USP9X: variants seen among roughly 807,000 people sequenced by gnomAD.
USP9X encodes the protein ubiquitin specific peptidase 9 X-linked.
In USP9X, 7 loss-of-function variants were observed where a neutral mutation model predicts 190.3. That is an observed-to-expected ratio of 0.04 (90% CI 0.02 to 0.07). USP9X has a LOEUF of 0.07. Among genes scored for constraint, USP9X ranks in the 10% least tolerant of loss-of-function variants. USP9X has a pLI of 1.00. For synonymous variants in USP9X, 645 were observed against 659.5 expected, an observed-to-expected ratio of 0.98 and a Z score of 0.34; for missense variants, 1,010 against 1,916.9, an observed-to-expected ratio of 0.53 and a Z score of 8.83.
rs535270583 is a variant in USP9X at position 41,220,511 on chromosome X, T to C, written c.6565+1280T>C. ...ATACCAACATCTCTATAGCAGGGTC[T>C]GAGACAACAACTTACAATTGAACAC... On this transcript the variant is annotated intron_variant, in intron 38 of 44. Coordinates refer to ENST00000378308, the MANE Select transcript of USP9X (RefSeq NM_001039591.3). 2.3e-3 allele frequency among the ~76,000 whole-genome samples: 258 copies of C among 112,615 alleles called. No individual in the cohort carries two copies. The Middle Eastern group carries it at 0.023, about 10-fold the overall frequency.
chrX:41,114,816 G>T (rs150624417), intron 1 of USP9X, among the ~76,000 whole-genome samples: 3,851 of 110,199 alleles, frequency 0.035, 159 homozygotes, highest in African/African-American at 0.12. Context: ...TTGCTTTATT[G>T]TAAGAATACA....
At position 41,230,556 on chromosome X, in the gene USP9X, C is replaced by T. The variant is rs2063351788; in HGVS notation, c.7487C>T (p.Ala2496Val). Residue 2496 changes from alanine to valine, a missense_variant, in exon 44 of 45, where the codon GCC becomes GTC. Coordinates refer to ENST00000378308, the MANE Select transcript of USP9X (RefSeq NM_001039591.3). The part of the protein sequence containing the change: ...DEHESPPPED[A>V]PLYPHSPGSQ... Reference sequence around the variant, plus strand: ...CATGAGTCGCCTCCACCTGAAGATGCCCCATTGTACCCCCATTCACCTGGA... The same window carrying T: ...CATGAGTCGCCTCCACCTGAAGATGTCCCATTGTACCCCCATTCACCTGGA... 8.3e-7 allele frequency: 1 copy of T among 1,208,353 alleles called. No homozygotes were observed.
intron 1 of USP9X, among the ~76,000 whole-genome samples, chrX:41,123,174 A>G (rs1313493890): frequency 9.0e-6 from 1 of 111,642 alleles, no homozygotes; most frequent in African/African-American, 3.3e-5. Flanking sequence ...GAAAACAGAT[A>G]GTTTTTGCCG....
intron 1 of USP9X, among the ~76,000 whole-genome samples, chrX:41,106,580 GAGTGCAAT>G (rs1190344689): frequency 3.3e-5 from 3 of 91,423 alleles, no homozygotes; most frequent in African/African-American, 1.3e-4. Flanking sequence ...ACTCAGGCTG[GAGTGCAAT>G]GGCGCGATCT....
intron 33 of USP9X, among the ~76,000 whole-genome samples, chrX:41,213,470 A>T (rs935766253): frequency 8.9e-6 from 1 of 111,942 alleles, no homozygotes; most frequent in Non-Finnish European, 1.9e-5. Context: ...GGCTAAAGCT[A>T]TGATGTTTGG....
At chrX:41,211,710 TA>T (rs1183454943) in intron 33 of USP9X, among the ~76,000 whole-genome samples, 8 of 87,812 alleles carry the variant, frequency 9.1e-5, no homozygotes, top group African/African-American at 3.7e-4. Context: ...GGGAGGGAGG[TA>T]GGGGGGTCAG....
Position 41,229,749 on chromosome X carries a change from T to G in USP9X, c.7401T>G (p.Leu2467=). 8.3e-7 allele frequency: 1 copy of G among 1,211,942 alleles called. No individual in the cohort carries two copies. Among genetic ancestry groups the G allele is most frequent in the Non-Finnish European group, 1.1e-6 (1 of 895,559 alleles). ...LERSHSARMT[L]AKACELCPEE... is the part of the protein sequence containing the mutation. Reference sequence around the variant, plus strand: ...GATCACATAGTGCTAGGATGACACTTGCAAAAGCTTGTGAACTCTGTCCAG... The same window carrying G: ...GATCACATAGTGCTAGGATGACACTGGCAAAAGCTTGTGAACTCTGTCCAG... Residue 2467 remains leucine (L), a synonymous_variant, in exon 43 of 45, where the codon CTT becomes CTG. Transcript: ENST00000378308.
chrX:41,115,831 CAG>C (rs1374274521), intron 1 of USP9X, among the ~76,000 whole-genome samples: 3 of 111,469 alleles, frequency 2.7e-5, no homozygotes, highest in African/African-American at 9.8e-5. Context: ...TATGTAGAAT[CAG>C]AGGATTTCAA....
chrX:41,130,258 A>G (rs1016261710), intron 3 of USP9X, among the ~76,000 whole-genome samples: 36 of 110,865 alleles, frequency 3.2e-4, no homozygotes, highest in Middle Eastern at 4.8e-3. Context: ...GCAGGTGCCT[A>G]TAGTAATGGT....
At chrX:41,111,088 G>A (rs997437091) in intron 1 of USP9X, among the ~76,000 whole-genome samples, 2 of 111,340 alleles carry the variant, frequency 1.8e-5, no homozygotes, top group Non-Finnish European at 3.8e-5. Context: ...TAGACTGAAC[G>A]TTTGTCTCCA....
intron 26 of USP9X, among the ~76,000 whole-genome samples, chrX:41,191,262 G>A (rs1355220107): frequency 9.3e-6 from 1 of 107,107 alleles, no homozygotes; most frequent in Non-Finnish European, 1.9e-5. Context: ...CCGGAAGGCG[G>A]ATGTTGCAGT....
rs2062208210 is a variant in USP9X, at chrX:41,123,531, A to G, written c.-98A>G. The G allele has an allele frequency of 1.4e-6, 1 of 707,148 alleles. No individual in the cohort carries two copies. Among genetic ancestry groups the G allele is most frequent in the South Asian group, 2.3e-5 (1 of 42,743 alleles). 58.3% of individuals were successfully genotyped at this position (707,148 alleles called of 1,213,427 possible). ...GAATTGGACCTTTTTAAGACTGACA[A>G]ATGCTGGTACTTCATCTTCTATAAG... On this transcript the variant is annotated 5_prime_UTR_variant, in exon 2 of 45. Transcript: ENST00000378308.
chrX:41,123,911 C>T (rs895471963), intron 2 of USP9X, among the ~76,000 whole-genome samples, 187 bp downstream of exon 2: 1 of 110,660 alleles, frequency 9.0e-6, no homozygotes. Flanking sequence ...GGCGTGGTAG[C>T]ATGCACCTGT....
intron 6 of USP9X, among the ~76,000 whole-genome samples, chrX:41,139,345 A>G (rs1263406699): frequency 8.9e-6 from 1 of 112,243 alleles, no homozygotes; most frequent in Non-Finnish European, 1.9e-5. Context: ...TAGTTCATTC[A>G]TATTCTTTTA....
intron 41 of USP9X, among the ~76,000 whole-genome samples, chrX:41,226,222 TCC>T (rs1410440850): frequency 8.9e-6 from 1 of 112,218 alleles, no homozygotes; most frequent in African/African-American, 3.2e-5. Flanking sequence ...TTAACTTTTT[TCC>T]CCCGTAAAAA....
chrX:41,137,136 T>C, intron 6 of USP9X, 114 bp downstream of exon 6: 1 of 731,719 alleles, frequency 1.4e-6, no homozygotes, highest in Non-Finnish European at 2.0e-6. Context: ...TAAATGAAAA[T>C]ACACACAACC....
At chrX:41,157,841 C>T (rs185303918) in intron 14 of USP9X, among the ~76,000 whole-genome samples, 53 of 111,692 alleles carry the variant, frequency 4.7e-4, no homozygotes, top group East Asian at 2.0e-3. Context: ...ACTTGAATTA[C>T]AAATATGCTC....
At chrX:41,231,176 A>G (rs774936092) in intron 44 of USP9X, among the ~76,000 whole-genome samples, 1 of 111,825 alleles carries the variant, frequency 8.9e-6, no homozygotes, top group Admixed American at 9.5e-5. Context: ...TGGTACTCAA[A>G]CTTGCACAGG....
chrX:41,138,064 C>G (rs2062390920), intron 6 of USP9X, among the ~76,000 whole-genome samples: 1 of 110,798 alleles, frequency 9.0e-6, no homozygotes, highest in Non-Finnish European at 1.9e-5. Context: ...GAGTGTTAGC[C>G]TTTCAAAGCC....
Sources: gnomAD v4.1 joint callset for allele counts (sites outside exome capture counted in the v4.1 genomes callset) on GRCh38, gnomAD v4.1.1 for gene constraint, MANE v1.5 for transcripts, NCBI Gene and HGNC (gene_info 2026-07-23, HGNC 2026-07-21) for gene names.